Variants in JPH4 observed in about 807,000 individuals in gnomAD.
The protein encoded by JPH4 is junctophilin-4.
JPH4 carries 18 observed loss-of-function variants against 57.6 expected under a neutral mutation model. The ratio of observed to expected loss-of-function variants is 0.31; its 90% CI spans 0.22 to 0.46. The LOEUF (loss-of-function observed/expected upper bound fraction) is 0.46. Ranked by LOEUF, JPH4 falls within the 20% of genes least tolerant of loss-of-function variation. The probability of loss-of-function intolerance (pLI) is 1.00; values close to 1 mark genes in which losing one functional copy is unlikely to be tolerated. For missense variants in JPH4, 727 were observed against 911.1 expected (o/e 0.80, Z 2.60); for synonymous variants, 425 against 406.6 (o/e 1.05, Z -0.54).
rs1206447272 is a variant in JPH4, at chr14:23,569,497, AAGG to A, written c.*134_*136del. 1.5e-6 allele frequency: 1 copy of A among 689,030 alleles called. No homozygotes were observed. Among genetic ancestry groups the A allele is most frequent in the South Asian group, 1.7e-5 (1 of 60,116 alleles). 42.7% of individuals were successfully genotyped at this position (689,030 alleles called of 1,614,324 possible). ...AAAGAAAAAGCGAGAGAAAAAAACA[AAGG>A]AGCACAGAAAAGAAAGGAAGAAGAG... On this transcript the variant is annotated 3_prime_UTR_variant, in exon 6 of 6. Coordinates refer to ENST00000356300, the MANE Select transcript of JPH4 (RefSeq NM_001146028.2). This position sits in a 1 kb window ranked among gnomAD's most constrained non-coding sequence, Gnocchi z 4.8.
At position 23,571,747 on chromosome 14, in the gene JPH4, CCT is replaced by C; in HGVS notation, c.1270+53_1270+54del. ...TCTCATCTGTTTCCCCACACCTGAG[CCT>C]CTCTAGCTCCCTAGGGGCCTCACTG... On this transcript the variant is annotated intron_variant, in intron 4 of 5. Coordinates refer to ENST00000356300, the MANE Select transcript of JPH4 (RefSeq NM_001146028.2). The surrounding 1 kb of genome is among the most constrained non-coding windows in gnomAD (Gnocchi z 4.6). 12 of 1,487,468 alleles carry C rather than the reference CCT, an allele frequency of 8.1e-6. No individual in the cohort carries two copies. Among genetic ancestry groups the C allele is most frequent in the Non-Finnish European group, 1.1e-5 (12 of 1,073,996 alleles). 92.1% of individuals were successfully genotyped at this position (1,487,468 alleles called of 1,614,324 possible). A position where few individuals can be genotyped will look rare whatever the true frequency, so the allele number is the denominator to read the frequency against.
In JPH4 at chr14:23,575,543, G is replaced by A; in HGVS notation, c.1151+142C>T. ...GGATATAAACACCAAGAATGCCCAG[G>A]GGTCCAACTGCCTGGCCTTAGGCTT... is the stretch of plus-strand genomic sequence containing the variant. On this transcript the variant is annotated intron_variant, in intron 3 of 5. Transcript: ENST00000356300. This position sits in a 1 kb window ranked among gnomAD's most constrained non-coding sequence, Gnocchi z 6.9. 1.9e-6 allele frequency: 2 copies of A among 1,047,190 alleles called. No individual in the cohort carries two copies. Among genetic ancestry groups the A allele is most frequent in the Non-Finnish European group, 2.7e-6 (2 of 730,330 alleles). The allele number at this position is 1,047,190 out of a possible 1,614,324, so 64.9% of individuals were successfully genotyped here. A position where few individuals can be genotyped will look rare whatever the true frequency, so the allele number is the denominator to read the frequency against.
intron 3 of JPH4, chr14:23,573,148 T>C (rs1889194391): frequency 1.7e-6 from 1 of 599,878 alleles, no homozygotes; most frequent in Non-Finnish European, 3.0e-6. Context: ...GGGAAGAGGA[T>C]GGTGATATCT....
intron 3 of JPH4, among the ~76,000 whole-genome samples, chr14:23,573,966 A>ACG (rs1264392698): frequency 9.9e-5 from 15 of 151,614 alleles, no homozygotes; most frequent in African/African-American, 3.6e-4. Flanking sequence ...ACACACACAC[A>ACG]CACGCACTCT....
Position 23,568,821 on chromosome 14 carries a change from G to C in JPH4, c.*813C>G, listed in dbSNP as rs1249931366. On this transcript the variant is annotated 3_prime_UTR_variant, in exon 6 of 6. Transcript: ENST00000356300. ...ATAAACTATTATGGGGGAGACAGAA[G>C]GGTGGGAGAAGTCAGTGGCAAAGTC... 1.0e-6 allele frequency: 1 copy of C among 985,844 alleles called. No individual in the cohort carries two copies. The highest frequency in any genetic ancestry group is 1.2e-6 in the Non-Finnish European group (1 of 830,008). 61.1% of individuals were successfully genotyped at this position (985,844 alleles called of 1,614,324 possible).
At position 23,576,697 on chromosome 14, in the gene JPH4, A is replaced by C. The variant is rs1233631758; in HGVS notation, c.380-241T>G. Among the ~76,000 whole-genome samples the C allele has an allele frequency of 6.6e-6, 1 of 152,082 alleles. No individual in the cohort carries two copies. Among genetic ancestry groups the C allele is most frequent in the African/African-American group, 2.4e-5 (1 of 41,414 alleles). ...CTACGTGGATTTTGGCAGTGCGGGTAAACAGGGGAAACGGGGAGGGCCCGG... is the reference window on the plus strand; with the variant it reads ...CTACGTGGATTTTGGCAGTGCGGGTCAACAGGGGAAACGGGGAGGGCCCGG... On this transcript the variant is annotated intron_variant, in intron 2 of 5. Transcript: ENST00000356300. The surrounding 1 kb of genome is among the most constrained non-coding windows in gnomAD (Gnocchi z 8.0).
In JPH4 at chr14:23,568,942, G is replaced by C. The variant is rs1457231554; in HGVS notation, c.*692C>G. 7.3e-6 allele frequency: 2 copies of C among 274,024 alleles called. No homozygotes were observed. The allele number at this position is 274,024 out of a possible 1,614,324, so 17.0% of individuals were successfully genotyped here. ...ACCAGAGGGGGCTGGAGGAGGGGCTGGCCGATGAGGAGAAAAAGAGGGAAA... is the reference window on the plus strand; with the variant it reads ...ACCAGAGGGGGCTGGAGGAGGGGCTCGCCGATGAGGAGAAAAAGAGGGAAA... On this transcript the variant is annotated 3_prime_UTR_variant, in exon 6 of 6. Coordinates refer to ENST00000356300, the MANE Select transcript of JPH4 (RefSeq NM_001146028.2).
chr14:23,576,155 C>T lies in JPH4; in HGVS notation c.681G>A (p.Gly227=). 3 of 1,306,950 alleles carry T rather than the reference C, an allele frequency of 2.3e-6. No homozygotes were observed. Among genetic ancestry groups the T allele is most frequent in the East Asian group, 3.2e-5 (1 of 31,506 alleles). The allele number at this position is 1,306,950 out of a possible 1,614,324, so 81.0% of individuals were successfully genotyped here. ...AGCTGCGACGTCCGCCCGCTCGGAGCCCGCTGAGCAGCAGCGAACGGCGAA... is the reference window on the plus strand; with the variant it reads ...AGCTGCGACGTCCGCCCGCTCGGAGTCCGCTGAGCAGCAGCGAACGGCGAA... ...GFFRRSLLLS[G]LRAGGRRSSL... is the part of the protein sequence containing the mutation. Residue 227 remains glycine (G), a synonymous_variant, in exon 3 of 6, where the codon GGG becomes GGA. Transcript: ENST00000356300. The surrounding 1 kb of genome is among the most constrained non-coding windows in gnomAD (Gnocchi z 8.0).
chr14:23,575,658 G>A lies in JPH4; in HGVS notation c.1151+27C>T, dbSNP rs758338281. The A allele has an allele frequency of 9.5e-6, 15 of 1,580,796 alleles. No homozygotes were observed. The Admixed American group carries it at 2.1e-4, about 22-fold the overall frequency. On this transcript the variant is annotated intron_variant, in intron 3 of 5. Coordinates refer to ENST00000356300, the MANE Select transcript of JPH4 (RefSeq NM_001146028.2). The surrounding 1 kb of genome is among the most constrained non-coding windows in gnomAD (Gnocchi z 6.9). ...CAGCGCACCCCCTCCTCTTAGCCCA[G>A]CTTTGGCCTCTGAACTGGACGCCCA...
chr14:23,576,327 G>A lies in JPH4; in HGVS notation c.509C>T (p.Pro170Leu). ...RTSLDSGHSD[P>L]PTPPPPLPLP... ...GGGCAGGGGCGGGGGTGGCGTCGGG[G>A]GGTCGCTGTGGCCGGAATCCAGGGA... The change falls in exon 3 of 6, where the codon CCC (proline) becomes CTC (leucine). Residue 170 changes from proline to leucine, a missense_variant. Pro to Leu is a moderately conservative substitution (Grantham distance 98, BLOSUM62 -3). Transcript: ENST00000356300. This position sits in a 1 kb window ranked among gnomAD's most constrained non-coding sequence, Gnocchi z 8.0. The A allele has an allele frequency of 7.7e-7, 1 of 1,295,886 alleles. No homozygotes were observed. The highest frequency in any genetic ancestry group is 9.8e-7 in the Non-Finnish European group (1 of 1,024,816). 80.3% of individuals were successfully genotyped at this position (1,295,886 alleles called of 1,614,324 possible). A position where few individuals can be genotyped will look rare whatever the true frequency, so the allele number is the denominator to read the frequency against.
Position 23,575,924 on chromosome 14 carries a change from G to C in JPH4, c.912C>G (p.Arg304=). The C allele has an allele frequency of 6.4e-7, 1 of 1,563,590 alleles. No homozygotes were observed. The highest frequency in any genetic ancestry group is 8.6e-7 in the Non-Finnish European group (1 of 1,161,548). Residue 304 remains arginine (R), a synonymous_variant, in exon 3 of 6, where the codon CGC becomes CGG. Transcript: ENST00000356300. The surrounding 1 kb of genome is among the most constrained non-coding windows in gnomAD (Gnocchi z 6.9). ...GGTTGCCCAGCCACTCGCCCTCGTA[G>C]CGCAGCCCGTTGGAGCGCTGGCTGA... ...FGVSQRSNGL[R]YEGEWLGNRR...
rs1404573427 is a variant in JPH4 at position 23,578,703 on chromosome 14, G to C, written c.-695C>G. On this transcript the variant is annotated 5_prime_UTR_variant, in exon 1 of 6. Transcript: ENST00000356300. ...AGAGACAGCGGCAGTGTTGCGGGTG[G>C]TGGTGGGGTCCCCAAGCAGAAAAGG... The C allele has an allele frequency of 2.0e-5, 3 of 151,890 alleles. No individual in the cohort carries two copies. The highest frequency in any genetic ancestry group is 2.9e-5 in the Non-Finnish European group (2 of 68,290). 9.4% of individuals were successfully genotyped at this position (151,890 alleles called of 1,614,324 possible).
rs753483167 is a variant in JPH4, at chr14:23,571,018, G to A, written c.1713C>T (p.Val571=). Residue 571 remains valine, a synonymous_variant, in exon 5 of 6, where the codon GTC becomes GTT. Transcript: ENST00000356300. The surrounding 1 kb of genome is among the most constrained non-coding windows in gnomAD (Gnocchi z 4.6). ...GTEPEPIAML[V]LRGSSSRGPD... ...GACCCCTCGAGGACGAGCCCCTCAG[G>A]ACCAGCATGGCGATGGGCTCAGGCT... The A allele has an allele frequency of 6.3e-7, 1 of 1,586,510 alleles. No individual in the cohort carries two copies. The highest frequency in any genetic ancestry group is 1.7e-5 in the Admixed American group (1 of 57,570).
chr14:23,573,579 C>G (rs750146347), intron 3 of JPH4, among the ~76,000 whole-genome samples: 3 of 152,202 alleles, frequency 2.0e-5, no homozygotes, highest in Admixed American at 1.3e-4. Flanking sequence ...TAGACTTAGT[C>G]TGTGCTCAGG....
intron 5 of JPH4, among the ~76,000 whole-genome samples, chr14:23,570,453 G>C (rs1322972297): frequency 6.7e-6 from 1 of 150,052 alleles, no homozygotes; most frequent in East Asian, 2.0e-4. Context: ...CTCACTGCAG[G>C]CTCCGCCTCC....
At position 23,571,780 on chromosome 14, in the gene JPH4, C is replaced by A; in HGVS notation, c.1270+22G>T. 6.3e-7 allele frequency: 1 copy of A among 1,598,914 alleles called. No homozygotes were observed. The highest frequency in any genetic ancestry group is 1.7e-4 in the Middle Eastern group (1 of 6,030). On this transcript the variant is annotated intron_variant, in intron 4 of 5. Coordinates refer to ENST00000356300, the MANE Select transcript of JPH4 (RefSeq NM_001146028.2). The surrounding 1 kb of genome is among the most constrained non-coding windows in gnomAD (Gnocchi z 4.6). ...GCTCCCTAGGGGCCTCACTGCCCTC[C>A]CCCCAGCTGTCCATGCCTCACCTGG...
In JPH4 at chr14:23,577,376, G is replaced by T; in HGVS notation, c.78C>A (p.Gly26=). ...CGCCGGGGCCCGTGCACACGCCGTA[G>T]CCATGTGCCCGCCCCGCCTCCCAGC... ...VGGWEAGRAH[G]YGVCTGPGAQ... Residue 26 remains glycine, a synonymous_variant, in exon 2 of 6, where the codon GGC becomes GGA. Coordinates refer to ENST00000356300, the MANE Select transcript of JPH4 (RefSeq NM_001146028.2). This position sits in a 1 kb window ranked among gnomAD's most constrained non-coding sequence, Gnocchi z 8.4. 1 of 1,499,782 alleles carries T rather than the reference G, an allele frequency of 6.7e-7. No individual in the cohort carries two copies. The allele number at this position is 1,499,782 out of a possible 1,614,324, so 92.9% of individuals were successfully genotyped here.
Position 23,570,993 on chromosome 14 carries a change from G to A in JPH4, c.1738C>T (p.Pro580Ser), listed in dbSNP as rs1248670742. 1 of 1,545,946 alleles carries A rather than the reference G, an allele frequency of 6.5e-7. No homozygotes were observed. The highest frequency in any genetic ancestry group is 1.4e-5 in the African/African-American group (1 of 72,896). Residue 580 changes from proline (P) to serine (S), a missense_variant, in exon 5 of 6, where the codon CCT becomes TCT. By Grantham distance (74) the Pro-to-Ser change is moderately conservative. Transcript: ENST00000356300. ...LVLRGSSSRG[P>S]DAGCLTEELG... ...TCTTCTGTCAGGCACCCAGCATCAG[G>A]ACCCCTCGAGGACGAGCCCCTCAGG...
rs938206036 is a variant in JPH4, at chr14:23,576,105, A to C, written c.731T>G (p.Leu244Arg). Residue 244 changes from leucine to arginine, a missense_variant, in exon 3 of 6, where the codon CTG becomes CGG. Leu to Arg is a moderately radical substitution (Grantham distance 102). This residue lies in a region of JPH4 where 131 missense variants were observed against 156.5 expected (regional missense o/e 0.84). Transcript: ENST00000356300. This position sits in a 1 kb window ranked among gnomAD's most constrained non-coding sequence, Gnocchi z 8.0. The part of the protein sequence containing the change: ...RSSLGSKRGS[L>R]RSEVSSEVGS... ...CACCTCGCTGCTCACCTCGCTGCGC[A>C]GGGAGCCTCGCTTGCTGCCCAGGGA... 2.3e-6 allele frequency: 3 copies of C among 1,300,136 alleles called. No individual in the cohort carries two copies. The highest frequency in any genetic ancestry group is 2.9e-6 in the Non-Finnish European group (3 of 1,027,204). 80.5% of individuals were successfully genotyped at this position (1,300,136 alleles called of 1,614,324 possible). A position where few individuals can be genotyped will look rare whatever the true frequency, so the allele number is the denominator to read the frequency against.
Sources: allele counts gnomAD v4.1 joint callset (sites outside exome capture counted in the v4.1 genomes callset), GRCh38; gene constraint gnomAD v4.1.1; regional missense constraint gnomAD v4.1.1; non-coding constraint Gnocchi (gnomAD v3.1); transcripts MANE v1.5; gene names NCBI Gene and HGNC (gene_info 2026-07-23, HGNC 2026-07-21).